STAU2: variants seen among roughly 807,000 people sequenced by gnomAD.
STAU2 encodes the protein double-stranded RNA-binding protein Staufen homolog 2.
In STAU2, 20 loss-of-function variants were observed where a neutral mutation model predicts 65.9. That is an observed-to-expected ratio of 0.30 (90% CI 0.21 to 0.44). The LOEUF (loss-of-function observed/expected upper bound fraction) is 0.44, where lower values mean the gene tolerates loss of function less well. Among genes scored for constraint, STAU2 ranks in the 20% least tolerant of loss-of-function variants. The probability of loss-of-function intolerance (pLI) is 1.00; values close to 1 mark genes in which losing one functional copy is unlikely to be tolerated. For missense variants in STAU2, 558 were observed against 683.9 expected (o/e 0.82, Z 2.05); for synonymous variants, 232 against 233.9 (o/e 0.99, Z 0.07).
At chr8:73,555,224 T>C (rs1230380011) in intron 12 of STAU2, among the ~76,000 whole-genome samples, 3 of 151,960 alleles carry the variant, frequency 2.0e-5, no homozygotes, top group Non-Finnish European at 2.9e-5. Flanking sequence ...ATGAGGAGAA[T>C]ACAGTCCAGG....
intron 9 of STAU2, among the ~76,000 whole-genome samples, chr8:73,608,542 C>T (rs140496272): frequency 2.5e-3 from 368 of 149,368 alleles, no homozygotes; most frequent in African/African-American, 8.5e-3. Flanking sequence ...ACCCAGGAGG[C>T]GGAGGTTACA....
At chr8:73,598,805 T>C (rs1344087905) in intron 10 of STAU2, among the ~76,000 whole-genome samples, 1 of 152,120 alleles carries the variant, frequency 6.6e-6, no homozygotes, top group Non-Finnish European at 1.5e-5. Context: ...AAGAATTGAT[T>C]AGATTGTAAT....
intron 13 of STAU2, among the ~76,000 whole-genome samples, chr8:73,501,902 C>G (rs896665537): frequency 2.6e-5 from 4 of 151,900 alleles, no homozygotes; most frequent in Admixed American, 1.3e-4. Context: ...GAGAAAGTAC[C>G]TATTATTCCA....
chr8:73,712,993 G>T (rs959320001), intron 3 of STAU2, among the ~76,000 whole-genome samples: 6 of 152,040 alleles, frequency 3.9e-5, no homozygotes, highest in African/African-American at 1.2e-4. Flanking sequence ...GCATGTATTT[G>T]TTATTATTTT....
intron 4 of STAU2, 150 bp downstream of exon 4, chr8:73,708,882 A>G: frequency 1.6e-6 from 1 of 621,222 alleles, no homozygotes; most frequent in Non-Finnish European, 2.4e-6. Context: ...TAGTTTAGTT[A>G]CATACTTTGA....
chr8:73,482,152 T>C (rs1220975736), intron 13 of STAU2, among the ~76,000 whole-genome samples: 1 of 149,682 alleles, frequency 6.7e-6, no homozygotes, highest in Non-Finnish European at 1.5e-5. Context: ...CCCTGCTGGA[T>C]AGGTGTTGCA....
At chr8:73,450,751 G>A (rs1818761158) in intron 13 of STAU2, among the ~76,000 whole-genome samples, 3 of 152,204 alleles carry the variant, frequency 2.0e-5, no homozygotes, top group Admixed American at 2.0e-4. Context: ...AACAATGTGT[G>A]CAAAACCAGG....
intron 3 of STAU2, among the ~76,000 whole-genome samples, chr8:73,712,860 A>C (rs1218087933): frequency 6.6e-6 from 1 of 152,196 alleles, no homozygotes; most frequent in African/African-American, 2.4e-5. Flanking sequence ...GAAGGCTGAG[A>C]TAGAAGGATT....
chr8:73,536,679 C>T (rs1166874349), intron 13 of STAU2, among the ~76,000 whole-genome samples: 1 of 152,086 alleles, frequency 6.6e-6, no homozygotes, highest in South Asian at 2.1e-4. Context: ...AGGGTGGTGT[C>T]AATAGAGGCA....
intron 13 of STAU2, among the ~76,000 whole-genome samples, chr8:73,495,507 T>C (rs1472655773): frequency 6.6e-6 from 1 of 151,314 alleles, no homozygotes; most frequent in East Asian, 1.9e-4. Flanking sequence ...CTTTATTTAG[T>C]GCTTTATCTG....
At chr8:73,574,300 T>C (rs1411089748) in intron 12 of STAU2, among the ~76,000 whole-genome samples, 1 of 152,208 alleles carries the variant, frequency 6.6e-6, no homozygotes, top group African/African-American at 2.4e-5. Context: ...ACTTTTACAC[T>C]GTAGGTGGGA....
intron 11 of STAU2, among the ~76,000 whole-genome samples, chr8:73,583,510 G>A (rs980773476): frequency 5.3e-5 from 8 of 152,010 alleles, no homozygotes; most frequent in African/African-American, 1.9e-4. Context: ...GTGACCAAAA[G>A]AGCTTTTGTA....
intron 13 of STAU2, chr8:73,527,923 T>C (rs11785874): frequency 0.069 from 13,460 of 193,738 alleles, 207 homozygotes; most frequent in Middle Eastern, 0.2. Flanking sequence ...TAAAACCTTA[T>C]TGAACCCCTC....
chr8:73,426,872 T>C (rs1333846213), intron 13 of STAU2, among the ~76,000 whole-genome samples: 3 of 152,120 alleles, frequency 2.0e-5, no homozygotes, highest in South Asian at 2.1e-4. Context: ...ACTTTCCTTA[T>C]GATAAATTCC....
intron 13 of STAU2, among the ~76,000 whole-genome samples, chr8:73,469,825 G>GTT (rs1819881655): frequency 1.3e-5 from 2 of 152,318 alleles, no homozygotes; most frequent in East Asian, 3.9e-4. Context: ...AAACAACACT[G>GTT]TGACCCAGGA....
intron 1 of STAU2, among the ~76,000 whole-genome samples, chr8:73,743,066 CT>C (rs1376626206): frequency 2.1e-4 from 32 of 152,084 alleles, no homozygotes; most frequent in African/African-American, 5.8e-4. Flanking sequence ...GCTTATTACT[CT>C]AAAAAAGATA....
chr8:73,580,225 A>AT (rs1444036318), intron 12 of STAU2, among the ~76,000 whole-genome samples: 1 of 152,246 alleles, frequency 6.6e-6, no homozygotes, highest in African/African-American at 2.4e-5. Context: ...TAGCCATTTC[A>AT]TGATGACAGT....
At chr8:73,607,560 T>C (rs1015194084) in intron 9 of STAU2, among the ~76,000 whole-genome samples, 2 of 150,952 alleles carry the variant, frequency 1.3e-5, no homozygotes, top group African/African-American at 2.4e-5. Context: ...AGAAACCCCA[T>C]CTCTACTAAA....
chr8:73,464,967 A>T (rs898744100), intron 13 of STAU2, among the ~76,000 whole-genome samples: 1 of 152,270 alleles, frequency 6.6e-6, no homozygotes, highest in African/African-American at 2.4e-5. Flanking sequence ...GGAGGATGCC[A>T]CCATTTTCTC....
Sources: gnomAD v4.1 joint callset for allele counts (sites outside exome capture counted in the v4.1 genomes callset) on GRCh38, gnomAD v4.1.1 for gene constraint, MANE v1.5 for transcripts, NCBI Gene and HGNC (gene_info 2026-07-23, HGNC 2026-07-21) for gene names.